Variants in UHRF2 observed in about 807,000 individuals in gnomAD.
UHRF2 encodes the protein E3 ubiquitin-protein ligase UHRF2.
Under a neutral mutation model 96.8 loss-of-function variants are expected in UHRF2, and 23 were observed. The ratio of observed to expected loss-of-function variants is 0.24; its 90% CI spans 0.17 to 0.34. The LOEUF is 0.34. Among genes scored for constraint, UHRF2 ranks in the 10% least tolerant of loss-of-function variants. The probability of loss-of-function intolerance (pLI) is 1.00; values close to 1 mark genes in which losing one functional copy is unlikely to be tolerated. For missense variants in UHRF2, 685 were observed against 981.5 expected, an observed-to-expected ratio of 0.70 and a Z score of 4.04; for synonymous variants, 385 against 332.6, an observed-to-expected ratio of 1.16 and a Z score of -1.72.
At chr9:6,445,130 TAAAAAAA>T (rs34294660) in intron 3 of UHRF2, among the ~76,000 whole-genome samples, 3 of 114,148 alleles carry the variant, frequency 2.6e-5, no homozygotes, top group South Asian at 3.3e-4. Flanking sequence ...ATCTCTTATT[TAAAAAAA>T]AAAAAAAAAA....
At chr9:6,422,719 C>G (rs1008728034) in intron 2 of UHRF2, 4 of 525,128 alleles carry the variant, frequency 7.6e-6, no homozygotes, top group African/African-American at 5.9e-5. Flanking sequence ...AAGTGATCTT[C>G]CTGCTCGGCC....
chr9:6,455,407 C>G (rs151137834), intron 3 of UHRF2, among the ~76,000 whole-genome samples: 1 of 152,046 alleles, frequency 6.6e-6, no homozygotes, highest in Admixed American at 6.6e-5. Flanking sequence ...TTTGTACTTG[C>G]GATAGTTTGC....
chr9:6,479,958 A>G (rs1338746498), intron 6 of UHRF2, among the ~76,000 whole-genome samples: 1 of 152,160 alleles, frequency 6.6e-6, no homozygotes, highest in Non-Finnish European at 1.5e-5. Context: ...CAGCAGAATG[A>G]GCTTAAAAAG....
rs1823960078 is a variant in UHRF2 at position 6,482,072 on chromosome 9, T to G, written c.1365T>G (p.Val455=). Residue 455 remains valine (V), a synonymous_variant, in exon 8 of 16, where the codon GTT becomes GTG. Coordinates refer to ENST00000276893, the MANE Select transcript of UHRF2 (RefSeq NM_152896.3). The stretch of plus-strand genomic sequence containing the variant: ...ATGGACCCATTCCTGGTATTCCTGT[T>G]GGATCAACTTGGAGATTTAGAGTTC... ...NHYGPIPGIP[V]GSTWRFRVQV... 1 of 1,613,988 alleles carries G rather than the reference T, an allele frequency of 6.2e-7. No individual in the cohort carries two copies. Among genetic ancestry groups the G allele is most frequent in the African/African-American group, 1.3e-5 (1 of 74,934 alleles).
intron 4 of UHRF2, among the ~76,000 whole-genome samples, chr9:6,461,083 C>T (rs1235007131): frequency 1.3e-5 from 2 of 152,098 alleles, no homozygotes; most frequent in African/African-American, 2.4e-5. Flanking sequence ...TTGAACAAAA[C>T]AATATATAAA....
intron 9 of UHRF2, among the ~76,000 whole-genome samples, chr9:6,490,234 A>G (rs543160719): frequency 1.5e-4 from 23 of 152,232 alleles, no homozygotes; most frequent in Non-Finnish European, 3.2e-4. Context: ...AAGAAGAAAT[A>G]GTATTTTATG....
At chr9:6,462,401 A>G (rs527478278) in intron 4 of UHRF2, among the ~76,000 whole-genome samples, 1 of 152,350 alleles carries the variant, frequency 6.6e-6, no homozygotes, top group South Asian at 2.1e-4. Flanking sequence ...TCTTACAAAC[A>G]AAAGTGTGAT....
At chr9:6,428,515 G>T in intron 2 of UHRF2, among the ~76,000 whole-genome samples, 1 of 133,386 alleles carries the variant, frequency 7.5e-6, no homozygotes, top group Non-Finnish European at 1.6e-5. Flanking sequence ...TTATGTAAAT[G>T]GAACCATATT....
At chr9:6,465,461 G>A (rs1175075734) in intron 4 of UHRF2, among the ~76,000 whole-genome samples, 1 of 151,956 alleles carries the variant, frequency 6.6e-6, no homozygotes, top group Non-Finnish European at 1.5e-5. Context: ...TTCTTTTATG[G>A]TCAGTTCGGT....
intron 8 of UHRF2, among the ~76,000 whole-genome samples, chr9:6,483,120 A>G (rs13289925): frequency 0.29 from 43,918 of 151,434 alleles, 7,892 homozygotes; most frequent in African/African-American, 0.5. Context: ...GAGGCCAGGA[A>G]TTCAAAACCA....
rs75484798 is a variant in UHRF2 at position 6,444,160 on chromosome 9, T to C, written c.644+9987T>C. Among the ~76,000 whole-genome samples the C allele has an allele frequency of 6.0e-3, 915 of 152,342 alleles. 30 individuals carry two copies. The highest frequency in any genetic ancestry group is 0.049 in the Admixed American group (752 of 15,300). ...TAGATTTTTCTTGAATTAAGTGTCATGTCAGTCTTGAGTACAGGAGGGAAC... is the reference window on the plus strand; with the variant it reads ...TAGATTTTTCTTGAATTAAGTGTCACGTCAGTCTTGAGTACAGGAGGGAAC... On this transcript the variant is annotated intron_variant, in intron 3 of 15. Transcript: ENST00000276893.
chr9:6,486,821 G>C lies in UHRF2; in HGVS notation c.1393G>C (p.Val465Leu), dbSNP rs1182779958. 4 of 1,613,964 alleles carry C rather than the reference G, an allele frequency of 2.5e-6. No homozygotes were observed. The highest frequency in any genetic ancestry group is 2.5e-6 in the Non-Finnish European group (3 of 1,179,904). Reference sequence around the variant, plus strand: ...GAGACTCTCTTTAATTGTTTTATAGGTGAGCGAAGCAGGTGTTCACAGACC... The same window carrying C: ...GAGACTCTCTTTAATTGTTTTATAGCTGAGCGAAGCAGGTGTTCACAGACC... ...VGSTWRFRVQ[V>L]SEAGVHRPHV... The change falls in exon 9 of 16, where the codon GTG becomes CTG. Residue 465 changes from valine (V) to leucine (L), a missense_variant and splice_region_variant. By Grantham distance (32) the Val-to-Leu change is conservative. Transcript: ENST00000276893.
chr9:6,430,391 C>G (rs1368423108), intron 2 of UHRF2, among the ~76,000 whole-genome samples: 1 of 152,034 alleles, frequency 6.6e-6, no homozygotes, highest in African/African-American at 2.4e-5. Context: ...TTTTTTTTAG[C>G]TTTTTAGTTC....
rs767292666 is a variant in UHRF2 at position 6,460,736 on chromosome 9, A to C, written c.808A>C (p.Thr270Pro). The C allele has an allele frequency of 6.2e-7, 1 of 1,613,930 alleles. No individual in the cohort carries two copies. ...ATTCTGGTTTGATGCAGAAATTACCACATTGAAGACAATCTCAAGGACCAA... is the reference window on the plus strand; with the variant it reads ...ATTCTGGTTTGATGCAGAAATTACCCCATTGAAGACAATCTCAAGGACCAA... ...RGFWFDAEIT[T>P]LKTISRTKKE... The change falls in exon 4 of 16, where the codon ACA (threonine) becomes CCA (proline). Residue 270 changes from threonine (T) to proline (P), a missense_variant. Thr to Pro is a conservative substitution (Grantham distance 38). This residue lies in a region of UHRF2 where 391 missense variants were observed against 437.0 expected (regional missense o/e 0.89). Coordinates refer to ENST00000276893, the MANE Select transcript of UHRF2 (RefSeq NM_152896.3).
intron 1 of UHRF2, 109 bp downstream of exon 1, chr9:6,413,752 G>C: frequency 7.8e-7 from 1 of 1,279,794 alleles, no homozygotes. Context: ...GGGCTCACCT[G>C]GCTCCGCTGC....
At chr9:6,449,234 A>C (rs1183459009) in intron 3 of UHRF2, 1 of 152,226 alleles carries the variant, frequency 6.6e-6, no homozygotes, top group Non-Finnish European at 1.5e-5. Context: ...CAGTGTTTGA[A>C]GCAAAGCTAT....
chr9:6,417,616 G>C (rs1376957721), intron 1 of UHRF2, among the ~76,000 whole-genome samples: 1 of 152,186 alleles, frequency 6.6e-6, no homozygotes, highest in Non-Finnish European at 1.5e-5. Flanking sequence ...TAGATAAATG[G>C]TCACTATTGT....
Position 6,502,369 on chromosome 9 carries a change from C to G in UHRF2, c.2163+1660C>G, listed in dbSNP as rs138551615. Among the ~76,000 whole-genome samples, 35 of 152,304 alleles carry G rather than the reference C, an allele frequency of 2.3e-4. No individual in the cohort carries two copies. In the East Asian group the frequency reaches 5.4e-3, roughly 24 times the overall value. On this transcript the variant is annotated intron_variant, in intron 14 of 15. Transcript: ENST00000276893. The stretch of plus-strand genomic sequence containing the variant: ...GAATTCTCTTTTCATGTGTCTCACT[C>G]TTTCATATCCTTTAAGTCTGTATAA...
intron 8 of UHRF2, among the ~76,000 whole-genome samples, chr9:6,486,095 T>C (rs1824274434): frequency 2.6e-5 from 4 of 152,134 alleles, no homozygotes; most frequent in Admixed American, 2.6e-4. Flanking sequence ...GGGTAATAAA[T>C]CATGTTGACT....
Sources: allele counts gnomAD v4.1 joint callset (sites outside exome capture counted in the v4.1 genomes callset), GRCh38; gene constraint gnomAD v4.1.1; regional missense constraint gnomAD v4.1.1; transcripts MANE v1.5; gene names NCBI Gene and HGNC (gene_info 2026-07-23, HGNC 2026-07-21).